Variants in MYO1B observed in about 807,000 individuals in gnomAD.
MYO1B encodes the protein unconventional myosin-Ib.
MYO1B carries 72 observed loss-of-function variants against 159.7 expected under a neutral mutation model. That is an observed-to-expected ratio of 0.45 (90% CI 0.37 to 0.55). The LOEUF is 0.55. MYO1B is among the 20% of genes least tolerant of loss of function. MYO1B has a pLI of 0.00. For missense variants in MYO1B, 1,062 were observed against 1,364.8 expected, an observed-to-expected ratio of 0.78 and a Z score of 3.50; for synonymous variants, 468 against 473.8, an observed-to-expected ratio of 0.99 and a Z score of 0.16.
At position 191,341,579 on chromosome 2, in the gene MYO1B, T is replaced by C. The variant is rs1227960651; in HGVS notation, c.451+14T>C. ...CGGTCCTGGAAGGTAGGATGTGTTA[T>C]GTTCATTAAGTCGGTGTGACTCAAA... On this transcript the variant is annotated intron_variant, in intron 5 of 30. Coordinates refer to ENST00000392318, the MANE Select transcript of MYO1B (RefSeq NM_001130158.3). The C allele has an allele frequency of 1.0e-5, 16 of 1,602,860 alleles. No individual in the cohort carries two copies. Among genetic ancestry groups the C allele is most frequent in the Admixed American group, 3.3e-5 (2 of 59,876 alleles).
chr2:191,341,138 A>G (rs1174296681), intron 4 of MYO1B, among the ~76,000 whole-genome samples: 2 of 152,152 alleles, frequency 1.3e-5, no homozygotes, highest in Non-Finnish European at 2.9e-5. Flanking sequence ...TTTGTGGCTT[A>G]TCAGTATATA....
intron 1 of MYO1B, among the ~76,000 whole-genome samples, chr2:191,251,007 G>A (rs189043588): frequency 1.3e-5 from 2 of 152,152 alleles, no homozygotes; most frequent in Admixed American, 6.5e-5. Flanking sequence ...TCCTGTAGGT[G>A]TCCTTGGCTG....
intron 7 of MYO1B, among the ~76,000 whole-genome samples, chr2:191,351,274 G>A (rs1425547265): frequency 6.6e-6 from 1 of 152,014 alleles, no homozygotes; most frequent in Non-Finnish European, 1.5e-5. Context: ...GTCTTCAAAG[G>A]AAATGTTATG....
At chr2:191,351,681 G>GT (rs769190702) in intron 7 of MYO1B, among the ~76,000 whole-genome samples, 4 of 152,180 alleles carry the variant, frequency 2.6e-5, no homozygotes, top group Middle Eastern at 3.2e-3. Context: ...GAGCTCATCA[G>GT]TTTGAGACCA....
rs538267918 is a variant in MYO1B at position 191,344,671 on chromosome 2, A to G, written c.452-1565A>G. ...CGGTGAAACCCCGTCTCTACTAAAA[A>G]TACAAAAAATTAGCCGGGCGTAGTG... On this transcript the variant is annotated intron_variant, in intron 5 of 30. Transcript: ENST00000392318. Among the ~76,000 whole-genome samples, 625 of 151,868 alleles carry G rather than the reference A, an allele frequency of 4.1e-3. 8 individuals are homozygous for G. The highest frequency in any genetic ancestry group is 0.014 in the African/African-American group (570 of 41,348).
At chr2:191,256,797 C>G (rs1444027657) in intron 1 of MYO1B, among the ~76,000 whole-genome samples, 1 of 152,106 alleles carries the variant, frequency 6.6e-6, no homozygotes, top group East Asian at 1.9e-4. Context: ...CAGGGGTAGG[C>G]CTGCTCTAGT....
At chr2:191,334,659 C>T (rs1428304057) in intron 4 of MYO1B, among the ~76,000 whole-genome samples, 7 of 152,158 alleles carry the variant, frequency 4.6e-5, no homozygotes, top group South Asian at 4.2e-4. Context: ...AAATGGACAG[C>T]GCTTCCCAGG....
rs762727685 is a variant in MYO1B at position 191,400,427 on chromosome 2, G to C, written c.2341G>C (p.Glu781Gln). Reference sequence around the variant, plus strand: ...ACTGAAGCATCAAAAGCGCTGTAAGGAAGCAGTCACGACCATTGCTGCATA... The same window carrying C: ...ACTGAAGCATCAAAAGCGCTGTAAGCAAGCAGTCACGACCATTGCTGCATA... ...RELKHQKRCK[E>Q]AVTTIAAYWH... The change falls in exon 22 of 31, where the codon GAA (glutamate) becomes CAA (glutamine). Residue 781 changes from glutamate (E) to glutamine (Q), a missense_variant. This residue lies in a region of MYO1B where 609 missense variants were observed against 744.4 expected (regional missense o/e 0.82). Transcript: ENST00000392318. 1 of 1,614,016 alleles carries C rather than the reference G, an allele frequency of 6.2e-7. No individual in the cohort carries two copies. The highest frequency in any genetic ancestry group is 8.5e-7 in the Non-Finnish European group (1 of 1,180,040).
intron 3 of MYO1B, among the ~76,000 whole-genome samples, chr2:191,299,555 AG>A (rs1362084303): frequency 6.6e-6 from 1 of 152,226 alleles, no homozygotes; most frequent in Non-Finnish European, 1.5e-5. Context: ...AAGACCTCTT[AG>A]GGAGGAACCG....
chr2:191,313,539 C>T (rs904949654), intron 3 of MYO1B, among the ~76,000 whole-genome samples: 7 of 152,158 alleles, frequency 4.6e-5, no homozygotes, highest in Non-Finnish European at 1.0e-4. Flanking sequence ...CGCCCGCCAC[C>T]ACACCCAGCT....
chr2:191,414,776 T>G, intron 29 of MYO1B, 107 bp downstream of exon 29: 1 of 1,271,162 alleles, frequency 7.9e-7, no homozygotes, highest in Non-Finnish European at 1.0e-6. Context: ...CTTGCTAATT[T>G]GCAAATTTTG....
chr2:191,347,342 A>G (rs1051064365), intron 6 of MYO1B, among the ~76,000 whole-genome samples: 2 of 152,174 alleles, frequency 1.3e-5, no homozygotes, highest in African/African-American at 4.8e-5. Flanking sequence ...AACTGATTTG[A>G]TCTGTGCCTT....
rs143992853 is a variant in MYO1B, at chr2:191,392,226, C to T, written c.2076+25C>T. ...AGTATGTAACGAAAACCTTTACACT[C>T]TGAACTTAAGTTGGAATCGTATAGG... On this transcript the variant is annotated intron_variant, in intron 19 of 30. Transcript: ENST00000392318. The T allele has an allele frequency of 1.2e-5, 19 of 1,525,434 alleles. No individual in the cohort carries two copies. In the South Asian group the frequency reaches 1.6e-4, roughly 13 times the overall value. The allele number at this position is 1,525,434 out of a possible 1,614,324, so 94.5% of individuals were successfully genotyped here.
At chr2:191,268,352 T>C (rs931386784) in intron 1 of MYO1B, among the ~76,000 whole-genome samples, 3 of 152,134 alleles carry the variant, frequency 2.0e-5, no homozygotes, top group African/African-American at 7.2e-5. Context: ...AGGACACCAA[T>C]CTCTTCATGG....
intron 25 of MYO1B, 60 bp downstream of exon 25, chr2:191,408,249 A>C: frequency 4.9e-6 from 6 of 1,213,210 alleles, no homozygotes; most frequent in Non-Finnish European, 7.2e-6. Context: ...ACCTAATATC[A>C]CCAACTCCAT....
chr2:191,304,614 A>G (rs1399124976), intron 3 of MYO1B, among the ~76,000 whole-genome samples: 1 of 152,154 alleles, frequency 6.6e-6, no homozygotes, highest in Non-Finnish European at 1.5e-5. Context: ...TTCTTTCAGG[A>G]TATGTACTCT....
intron 3 of MYO1B, among the ~76,000 whole-genome samples, chr2:191,313,751 T>G (rs1690174558): frequency 6.6e-6 from 1 of 152,166 alleles, no homozygotes; most frequent in Non-Finnish European, 1.5e-5. Context: ...ACTCCTGACC[T>G]CAGGTGATAC....
Position 191,271,645 on chromosome 2 carries a change from G to C in MYO1B, c.-9-5242G>C, listed in dbSNP as rs73981523. 5.0e-3 allele frequency among the ~76,000 whole-genome samples: 758 copies of C among 152,148 alleles called. 9 individuals are homozygous for C. The highest frequency in any genetic ancestry group is 0.017 in the African/African-American group (715 of 41,472). ...AATTCTACGATAAAAGTGTTTCAAC[G>C]TATACATTGTTCTTATCTGTGGTAC... On this transcript the variant is annotated intron_variant, in intron 1 of 30. Transcript: ENST00000392318.
intron 10 of MYO1B, 117 bp downstream of exon 10, chr2:191,363,992 T>C (rs1559203195): frequency 7.4e-7 from 1 of 1,350,384 alleles, no homozygotes; most frequent in Non-Finnish European, 1.1e-6. Flanking sequence ...AGCTTTCTAA[T>C]GAAACTGAGC....
Sources: allele counts gnomAD v4.1 joint callset (sites outside exome capture counted in the v4.1 genomes callset), GRCh38; gene constraint gnomAD v4.1.1; regional missense constraint gnomAD v4.1.1; transcripts MANE v1.5; gene names NCBI Gene and HGNC (gene_info 2026-07-23, HGNC 2026-07-21).